PCDHGA8: variants seen among roughly 807,000 people sequenced by gnomAD.
PCDHGA8 encodes protocadherin gamma subfamily A, 8.
Under a neutral mutation model 59.2 loss-of-function variants are expected in PCDHGA8, and 45 were observed. The ratio of observed to expected loss-of-function variants is 0.76; its 90% CI spans 0.60 to 0.98. The LOEUF is 0.98. PCDHGA8 is among the 50% of genes least tolerant of loss of function. PCDHGA8 has a pLI of 0.00. For synonymous variants in PCDHGA8, 531 were observed against 519.0 expected (o/e 1.02, Z -0.32); for missense variants, 1,257 against 1,196.2 (o/e 1.05, Z -0.75).
chr5:141,484,123 T>C (rs2099592351), intron 1 of PCDHGA8, among the ~76,000 whole-genome samples: 1 of 152,174 alleles, frequency 6.6e-6, no homozygotes, highest in South Asian at 2.1e-4. Flanking sequence ...AAGAATACCT[T>C]GGTGTCAGAT....
At position 141,486,169 on chromosome 5, in the gene PCDHGA8, A is replaced by G. The variant is rs2099625537; in HGVS notation, c.2425-8638A>G. The G allele has an allele frequency of 1.2e-6, 2 of 1,614,088 alleles. No individual in the cohort carries two copies. Among genetic ancestry groups the G allele is most frequent in the East Asian group, 2.2e-5 (1 of 44,890 alleles). On this transcript the variant is annotated intron_variant, in intron 1 of 3. Transcript: ENST00000398604. The surrounding 1 kb of genome is among the most constrained non-coding windows in gnomAD (Gnocchi z 5.0). ...ATGGGGGTTCTCCAGCCATGGAGCA[A>G]CATTGCAGCCTTCGAGTGGATCTGC...
chr5:141,488,450 C>T (rs2154581002), intron 1 of PCDHGA8, among the ~76,000 whole-genome samples: 1 of 152,314 alleles, frequency 6.6e-6, no homozygotes, highest in East Asian at 1.9e-4. Context: ...TCCTGGGTGA[C>T]CTGATTCAGC....
chr5:141,462,183 C>A (rs1439465872), intron 1 of PCDHGA8, among the ~76,000 whole-genome samples: 1 of 152,158 alleles, frequency 6.6e-6, no homozygotes. Flanking sequence ...TGGTCTTGAA[C>A]TCCTGACCTC....
chr5:141,479,466 C>G (rs1004384273), intron 1 of PCDHGA8: 1 of 152,224 alleles, frequency 6.6e-6, no homozygotes, highest in Non-Finnish European at 1.5e-5. Flanking sequence ...AATACAGTGA[C>G]CTCTTGGGAG....
rs959855220 is a variant in PCDHGA8, at chr5:141,476,280, G to A, written c.2425-18527G>A. 4 of 1,614,010 alleles carry A rather than the reference G, an allele frequency of 2.5e-6. No individual in the cohort carries two copies. In the African/African-American group the frequency reaches 5.3e-5, roughly 22 times the overall value. On this transcript the variant is annotated intron_variant, in intron 1 of 3. Transcript: ENST00000398604. This position sits in a 1 kb window ranked among gnomAD's most constrained non-coding sequence, Gnocchi z 7.6. ...GTGGGCAACGTGGTCGCGAACCTTG[G>A]TTTGGATCTCGGTAGCCTCTCAGCC...
intron 1 of PCDHGA8, chr5:141,413,901 C>T (rs375828969): frequency 1.5e-5 from 24 of 1,613,244 alleles, no homozygotes; most frequent in African/African-American, 1.1e-4. Context: ...CAAATGACAA[C>T]GCGCCGGTCT....
rs1308930168 is a variant in PCDHGA8, at chr5:141,489,620, A to G, written c.2425-5187A>G. 2.5e-6 allele frequency: 4 copies of G among 1,614,058 alleles called. No individual in the cohort carries two copies. Among genetic ancestry groups the G allele is most frequent in the South Asian group, 2.2e-5 (2 of 91,072 alleles). The stretch of plus-strand genomic sequence containing the variant: ...GTAGAGGTAGAGATCCTGGATCTCA[A>G]TGACAACTCTCCTAGCTTTGCCACC... On this transcript the variant is annotated intron_variant, in intron 1 of 3. Transcript: ENST00000398604. This position sits in a 1 kb window ranked among gnomAD's most constrained non-coding sequence, Gnocchi z 4.5.
chr5:141,420,968 T>A (rs1031890748), intron 1 of PCDHGA8: 1 of 441,548 alleles, frequency 2.3e-6, no homozygotes, highest in Non-Finnish European at 4.0e-6. Context: ...GTTGCAATAA[T>A]AAGAATGGGC....
intron 1 of PCDHGA8, among the ~76,000 whole-genome samples, chr5:141,482,079 C>A (rs2099551704): frequency 8.4e-6 from 1 of 119,308 alleles, no homozygotes; most frequent in African/African-American, 3.8e-5. Context: ...GAACAAAACT[C>A]ACTCCATCTC....
chr5:141,507,661 C>T (rs1328943034), intron 3 of PCDHGA8, among the ~76,000 whole-genome samples: 1 of 152,236 alleles, frequency 6.6e-6, no homozygotes, highest in Non-Finnish European at 1.5e-5. Context: ...GCTTTTTAGC[C>T]TAAATCCAGA....
At position 141,476,753 on chromosome 5, in the gene PCDHGA8, G is replaced by C; in HGVS notation, c.2425-18054G>C. On this transcript the variant is annotated intron_variant, in intron 1 of 3. Coordinates refer to ENST00000398604, the MANE Select transcript of PCDHGA8 (RefSeq NM_032088.2). This position sits in a 1 kb window ranked among gnomAD's most constrained non-coding sequence, Gnocchi z 7.6. Reference sequence around the variant, plus strand: ...AGAACGGGAGCCTAGTCTCCAGTTAGTGCTGACGGCGTTGGACGGAGGGAC... The same window carrying C: ...AGAACGGGAGCCTAGTCTCCAGTTACTGCTGACGGCGTTGGACGGAGGGAC... 3.1e-6 allele frequency: 5 copies of C among 1,614,012 alleles called. No individual in the cohort carries two copies. The highest frequency in any genetic ancestry group is 4.2e-6 in the Non-Finnish European group (5 of 1,180,030).
rs2097372368 is a variant in PCDHGA8 at position 141,431,422 on chromosome 5, G to A, written c.2424+36185G>A. On this transcript the variant is annotated intron_variant, in intron 1 of 3. Coordinates refer to ENST00000398604, the MANE Select transcript of PCDHGA8 (RefSeq NM_032088.2). This position sits in a 1 kb window ranked among gnomAD's most constrained non-coding sequence, Gnocchi z 4.8. ...CGGCCTCCGACGGGGGCGACCCGGTGCGCACAGGCACCGCGCGCATCCGCG... is the reference window on the plus strand; with the variant it reads ...CGGCCTCCGACGGGGGCGACCCGGTACGCACAGGCACCGCGCGCATCCGCG... 6.2e-7 allele frequency: 1 copy of A among 1,613,710 alleles called. No individual in the cohort carries two copies. The highest frequency in any genetic ancestry group is 2.2e-5 in the East Asian group (1 of 44,882).
intron 1 of PCDHGA8, among the ~76,000 whole-genome samples, chr5:141,425,318 G>A (rs1304835508): frequency 1.3e-5 from 2 of 152,158 alleles, no homozygotes; most frequent in Non-Finnish European, 2.9e-5. Context: ...TCCCAAGATC[G>A]TGGAGAACAA....
chr5:141,418,363 C>G (rs147423305), intron 1 of PCDHGA8: 1 of 1,613,866 alleles, frequency 6.2e-7, no homozygotes, highest in Non-Finnish European at 8.5e-7. Context: ...ATTCGCTGAG[C>G]AAATACCAAC....
At chr5:141,415,176 C>A in intron 1 of PCDHGA8, 2 of 1,613,934 alleles carry the variant, frequency 1.2e-6, no homozygotes, top group Non-Finnish European at 1.7e-6. Context: ...TCACCGTGGC[C>A]GTGGCCGACA....
chr5:141,495,412 G>A lies in PCDHGA8; in HGVS notation c.2483+547G>A, dbSNP rs188302135. 2.2e-4 allele frequency among the ~76,000 whole-genome samples: 33 copies of A among 152,284 alleles called. No homozygotes were observed. The East Asian group carries it at 6.4e-3, about 29-fold the overall frequency. ...GGCATGGAGCAGGCCCCCTTCTCCG[G>A]CCCCTCCTCCCACTGTCCTCTGCCC... On this transcript the variant is annotated intron_variant, in intron 2 of 3. Coordinates refer to ENST00000398604, the MANE Select transcript of PCDHGA8 (RefSeq NM_032088.2).
chr5:141,409,474 C>T, intron 1 of PCDHGA8: 1 of 1,614,002 alleles, frequency 6.2e-7, no homozygotes, highest in Non-Finnish European at 8.5e-7. Flanking sequence ...CCATCGTAGC[C>T]ACTGACAGGG....
At chr5:141,401,255 T>C (rs56773894) in intron 1 of PCDHGA8, among the ~76,000 whole-genome samples, 18,026 of 152,078 alleles carry the variant, frequency 0.12, 1,226 homozygotes, top group African/African-American at 0.18. Flanking sequence ...GACAGGAGAA[T>C]TGCTTGAACC....
intron 1 of PCDHGA8, among the ~76,000 whole-genome samples, chr5:141,438,517 T>G (rs975190211): frequency 6.7e-6 from 1 of 148,384 alleles, no homozygotes; most frequent in Non-Finnish European, 1.5e-5. Context: ...AAACCAATTA[T>G]TTTACATGGA....
Sources: allele counts gnomAD v4.1 joint callset (sites outside exome capture counted in the v4.1 genomes callset), GRCh38; gene constraint gnomAD v4.1.1; non-coding constraint Gnocchi (gnomAD v3.1); transcripts MANE v1.5; gene names NCBI Gene and HGNC (gene_info 2026-07-23, HGNC 2026-07-21).